Variants in DACH2 observed in about 807,000 individuals in gnomAD.
DACH2 encodes the protein dachshund homolog 2.
In DACH2, 17 loss-of-function variants were observed where a neutral mutation model predicts 35.8. The ratio of observed to expected loss-of-function variants is 0.48; its 90% CI spans 0.33 to 0.71. The LOEUF (loss-of-function observed/expected upper bound fraction) is 0.71. Among genes scored for constraint, DACH2 ranks in the 30% least tolerant of loss-of-function variants. DACH2 has a pLI of 0.02. For missense variants in DACH2, 469 were observed against 472.7 expected (o/e 0.99, Z 0.07); for synonymous variants, 195 against 177.3 (o/e 1.10, Z -0.79).
At chrX:86,739,635 T>A (rs1275553061) in intron 6 of DACH2, 112 bp from the exon 7 acceptor site, 7 of 849,008 alleles carry the variant, frequency 8.2e-6, no homozygotes, top group African/African-American at 8.2e-5. Context: ...TTATTGTAGA[T>A]GTGTACACTT....
At chrX:86,230,558 T>C (rs1349276021) in intron 1 of DACH2, among the ~76,000 whole-genome samples, 1 of 111,444 alleles carries the variant, frequency 9.0e-6, no homozygotes, top group Non-Finnish European at 1.9e-5. Context: ...GTCAAAAGGA[T>C]TAGTACCAAT....
At chrX:86,472,109 G>T (rs1485962103) in intron 2 of DACH2, among the ~76,000 whole-genome samples, 1 of 111,994 alleles carries the variant, frequency 8.9e-6, no homozygotes, top group East Asian at 2.8e-4. Context: ...TTCTTCAGAG[G>T]AATAAATGGG....
At chrX:86,547,360 A>G (rs1306127189) in intron 3 of DACH2, among the ~76,000 whole-genome samples, 1 of 111,794 alleles carries the variant, frequency 8.9e-6, no homozygotes, top group Non-Finnish European at 1.9e-5. Flanking sequence ...ATAGAAATAA[A>G]TTTTGCAAAG....
At chrX:86,223,057 C>A (rs2032749195) in intron 1 of DACH2, among the ~76,000 whole-genome samples, 2 of 111,753 alleles carry the variant, frequency 1.8e-5, no homozygotes, top group African/African-American at 3.3e-5. Context: ...AACCAAAAAA[C>A]CAAATACCTA....
chrX:86,480,568 C>A (rs767439358), intron 2 of DACH2, among the ~76,000 whole-genome samples: 2 of 111,817 alleles, frequency 1.8e-5, no homozygotes, highest in Non-Finnish European at 3.8e-5. Flanking sequence ...GTGGCAAGTT[C>A]CCCCAGGCTC....
chrX:86,662,492 G>A (rs914946657), intron 4 of DACH2, among the ~76,000 whole-genome samples: 3 of 110,785 alleles, frequency 2.7e-5, no homozygotes, highest in Non-Finnish European at 3.8e-5. Context: ...CCAGCTAGTC[G>A]GGAGGCAGGA....
At chrX:86,222,122 G>A (rs2032725788) in intron 1 of DACH2, among the ~76,000 whole-genome samples, 1 of 111,769 alleles carries the variant, frequency 8.9e-6, no homozygotes, top group South Asian at 3.7e-4. Flanking sequence ...TTAATTTTTG[G>A]GAAACACGAT....
At chrX:86,429,036 C>A (rs1053430270) in intron 2 of DACH2, among the ~76,000 whole-genome samples, 1 of 111,022 alleles carries the variant, frequency 9.0e-6, no homozygotes, top group Non-Finnish European at 1.9e-5. Flanking sequence ...TAATTCACGA[C>A]CAGATCTACC....
intron 3 of DACH2, among the ~76,000 whole-genome samples, chrX:86,520,639 G>T (rs946178755): frequency 9.0e-6 from 1 of 111,390 alleles, no homozygotes; most frequent in African/African-American, 3.3e-5. Context: ...CTGAATTAAA[G>T]ACTTTACCAT....
At chrX:86,221,444 C>A (rs1602298523) in intron 1 of DACH2, among the ~76,000 whole-genome samples, 1 of 111,794 alleles carries the variant, frequency 8.9e-6, no homozygotes, top group Non-Finnish European at 1.9e-5. Flanking sequence ...CTAGTGCCAT[C>A]CTGTTTTAAT....
At chrX:86,450,132 C>G (rs948275803) in intron 2 of DACH2, among the ~76,000 whole-genome samples, 5 of 110,595 alleles carry the variant, frequency 4.5e-5, no homozygotes, top group African/African-American at 1.6e-4. Flanking sequence ...CATAGGAAAA[C>G]GTGTGCTATG....
chrX:86,334,413 A>T (rs1219349626), intron 1 of DACH2, among the ~76,000 whole-genome samples: 1 of 111,903 alleles, frequency 8.9e-6, no homozygotes, highest in African/African-American at 3.2e-5. Context: ...CATCCTCTCC[A>T]GCATCTGTTG....
At chrX:86,173,881 C>CT (rs1240846914) in intron 1 of DACH2, among the ~76,000 whole-genome samples, 2 of 111,531 alleles carry the variant, frequency 1.8e-5, no homozygotes, top group Non-Finnish European at 1.9e-5. Flanking sequence ...ATGGCAATGG[C>CT]TTAGACCATA....
At chrX:86,276,567 T>C (rs1192336159) in intron 1 of DACH2, among the ~76,000 whole-genome samples, 1 of 101,596 alleles carries the variant, frequency 9.8e-6, no homozygotes, top group Admixed American at 1.1e-4. Context: ...TTGCTTTGGT[T>C]GCCTGTGCTT....
At chrX:86,329,095 G>A (rs1293496314) in intron 1 of DACH2, among the ~76,000 whole-genome samples, 2 of 111,416 alleles carry the variant, frequency 1.8e-5, no homozygotes, top group Admixed American at 9.6e-5. Flanking sequence ...CTGAAGGATT[G>A]AAGTGGTGTG....
chrX:86,641,061 A>G (rs192965224), intron 3 of DACH2, among the ~76,000 whole-genome samples: 2 of 112,331 alleles, frequency 1.8e-5, no homozygotes, highest in East Asian at 5.6e-4. Flanking sequence ...TATTCTCCAA[A>G]TGATCACACC....
chrX:86,230,881 C>A (rs2032934181), intron 1 of DACH2, among the ~76,000 whole-genome samples: 1 of 111,332 alleles, frequency 9.0e-6, no homozygotes, highest in East Asian at 2.8e-4. Context: ...CTCTTTTTTC[C>A]TTAGGTTAAT....
At chrX:86,255,770 T>G (rs1311126619) in intron 1 of DACH2, among the ~76,000 whole-genome samples, 1 of 112,317 alleles carries the variant, frequency 8.9e-6, no homozygotes, top group African/African-American at 3.2e-5. Flanking sequence ...ATTTTAAAAA[T>G]ATTTTATTGC....
chrX:86,642,862 T>C (rs1274494337), intron 3 of DACH2, among the ~76,000 whole-genome samples: 2 of 111,619 alleles, frequency 1.8e-5, no homozygotes, highest in South Asian at 3.7e-4. Flanking sequence ...AGATTTGTGG[T>C]AAATAATGAA....
Sources: allele counts gnomAD v4.1 joint callset (sites outside exome capture counted in the v4.1 genomes callset), GRCh38; gene constraint gnomAD v4.1.1; transcripts MANE v1.5; gene names NCBI Gene and HGNC (gene_info 2026-07-23, HGNC 2026-07-21).